GABRB1: variants seen among roughly 807,000 people sequenced by gnomAD.
GABRB1 encodes the protein gamma-aminobutyric acid receptor subunit beta-1.
In GABRB1, 17 loss-of-function variants were observed where a neutral mutation model predicts 51.6. The observed-to-expected ratio is 0.33, with a 90% confidence interval of 0.23 to 0.49. The LOEUF is 0.49. Among genes scored for constraint, GABRB1 ranks in the 20% least tolerant of loss-of-function variants. GABRB1 has a pLI of 0.99. For synonymous variants in GABRB1, 247 were observed against 218.9 expected (o/e 1.13, Z -1.14); for missense variants, 410 against 600.6 (o/e 0.68, Z 3.32).
At chr4:47,143,853 C>T (rs760100991) in intron 3 of GABRB1, among the ~76,000 whole-genome samples, 2 of 151,800 alleles carry the variant, frequency 1.3e-5, no homozygotes, top group African/African-American at 4.8e-5. Flanking sequence ...TTTTGTATGG[C>T]CTGGAACTAG....
intron 4 of GABRB1, among the ~76,000 whole-genome samples, chr4:47,175,670 T>C (rs1718663897): frequency 6.6e-6 from 1 of 152,182 alleles, no homozygotes; most frequent in South Asian, 2.1e-4. Flanking sequence ...GATTTCCTCC[T>C]AAGAGTATAA....
chr4:47,329,115 G>A (rs944364543), intron 5 of GABRB1, among the ~76,000 whole-genome samples: 10 of 152,056 alleles, frequency 6.6e-5, no homozygotes, highest in Non-Finnish European at 1.2e-4. Context: ...TTCTATAAAA[G>A]TCTGCCCTTG....
At chr4:47,019,935 C>CGTATACGTATACGTATAT (rs1724880209) in intron 1 of GABRB1, among the ~76,000 whole-genome samples, 1 of 135,544 alleles carries the variant, frequency 7.4e-6, no homozygotes, top group African/African-American at 3.2e-5. Context: ...TATATGTATA[C>CGTATACGTATACGTATAT]GTATATGTAT....
At chr4:47,010,152 C>A (rs952687118) in intron 1 of GABRB1, among the ~76,000 whole-genome samples, 1 of 152,224 alleles carries the variant, frequency 6.6e-6, no homozygotes, top group Non-Finnish European at 1.5e-5. Context: ...GAGTGGCACA[C>A]ACTGTCTTGT....
At chr4:47,128,429 A>G (rs1716262089) in intron 3 of GABRB1, among the ~76,000 whole-genome samples, 1 of 151,932 alleles carries the variant, frequency 6.6e-6, no homozygotes, top group African/African-American at 2.4e-5. Context: ...AGATTCATCT[A>G]TTAGACTAAT....
At chr4:47,295,364 A>G (rs1723932380) in intron 4 of GABRB1, among the ~76,000 whole-genome samples, 1 of 152,204 alleles carries the variant, frequency 6.6e-6, no homozygotes, top group Non-Finnish European at 1.5e-5. Context: ...CTTTGAAAAA[A>G]ATTTAGACGA....
intron 4 of GABRB1, among the ~76,000 whole-genome samples, chr4:47,187,467 G>A (rs1719227670): frequency 6.6e-6 from 1 of 151,768 alleles, no homozygotes; most frequent in African/African-American, 2.4e-5. Context: ...AGTTCCTTGG[G>A]ATCACAGATC....
At chr4:47,155,837 T>C (rs1487663538) in intron 3 of GABRB1, among the ~76,000 whole-genome samples, 1 of 150,078 alleles carries the variant, frequency 6.7e-6, no homozygotes, top group Admixed American at 6.7e-5. Context: ...CAGATAAGCA[T>C]GTTCATACAC....
chr4:47,092,724 G>A (rs927865356), intron 3 of GABRB1, among the ~76,000 whole-genome samples: 1 of 151,294 alleles, frequency 6.6e-6, no homozygotes, highest in Non-Finnish European at 1.5e-5. Flanking sequence ...GCAATTCTCT[G>A]CCTCAGCCTC....
chr4:47,169,150 G>A (rs1028177951), intron 4 of GABRB1, among the ~76,000 whole-genome samples: 4 of 152,028 alleles, frequency 2.6e-5, no homozygotes, highest in Non-Finnish European at 5.9e-5. Context: ...AATAGCAACT[G>A]ATAATAATTT....
intron 4 of GABRB1, among the ~76,000 whole-genome samples, chr4:47,243,371 C>G (rs1414063436): frequency 6.6e-6 from 1 of 152,162 alleles, no homozygotes; most frequent in Non-Finnish European, 1.5e-5. Context: ...GTGATGCGGG[C>G]TCTTTTTTGG....
intron 5 of GABRB1, among the ~76,000 whole-genome samples, chr4:47,387,292 C>T (rs567420805): frequency 2.7e-4 from 41 of 152,250 alleles, no homozygotes; most frequent in Non-Finnish European, 4.6e-4. Context: ...GAAACCCCAT[C>T]TCTGCTAAAA....
intron 4 of GABRB1, among the ~76,000 whole-genome samples, chr4:47,249,444 GA>G (rs1338120674): frequency 6.6e-6 from 1 of 152,068 alleles, no homozygotes; most frequent in African/African-American, 2.4e-5. Context: ...GTCTATCTTG[GA>G]AAAAGTTCCA....
intron 3 of GABRB1, among the ~76,000 whole-genome samples, chr4:47,132,758 G>A (rs1453613643): frequency 1.3e-5 from 2 of 152,266 alleles, no homozygotes; most frequent in Non-Finnish European, 2.9e-5. Flanking sequence ...TGTTCAGAGA[G>A]CCCTACTGCT....
chr4:47,179,194 T>C (rs1476356220), intron 4 of GABRB1, among the ~76,000 whole-genome samples: 2 of 152,132 alleles, frequency 1.3e-5, no homozygotes, highest in Middle Eastern at 3.2e-3. Flanking sequence ...CACCTCCCAC[T>C]TATGAGTGAT....
chr4:47,406,521 T>C (rs576621082), intron 7 of GABRB1, among the ~76,000 whole-genome samples, 161 bp from the exon 8 acceptor site: 76 of 152,372 alleles, frequency 5.0e-4, no homozygotes, highest in African/African-American at 1.7e-3. Flanking sequence ...TAATGCCTTG[T>C]CTTTCAAAAT....
At chr4:47,192,294 C>G (rs2109784813) in intron 4 of GABRB1, among the ~76,000 whole-genome samples, 1 of 152,204 alleles carries the variant, frequency 6.6e-6, no homozygotes, top group South Asian at 2.1e-4. Context: ...ATGATTATCC[C>G]AAATGATAGC....
At chr4:47,300,407 A>T (rs1027339740) in intron 4 of GABRB1, among the ~76,000 whole-genome samples, 1 of 152,192 alleles carries the variant, frequency 6.6e-6, no homozygotes, top group African/African-American at 2.4e-5. Context: ...AAACGTAATT[A>T]CTATTGACAT....
chr4:47,206,653 C>G (rs1410198370), intron 4 of GABRB1, among the ~76,000 whole-genome samples: 1 of 151,692 alleles, frequency 6.6e-6, no homozygotes, highest in Non-Finnish European at 1.5e-5. Flanking sequence ...TTCTAAGTAA[C>G]TCAAAGGATG....
Sources: gnomAD v4.1 joint callset for allele counts (sites outside exome capture counted in the v4.1 genomes callset) on GRCh38, gnomAD v4.1.1 for gene constraint, MANE v1.5 for transcripts, NCBI Gene and HGNC (gene_info 2026-07-23, HGNC 2026-07-21) for gene names.